INSL6: variants seen among roughly 807,000 people sequenced by gnomAD.
INSL6 encodes the protein insulin like 6.
Under a neutral mutation model 9.4 loss-of-function variants are expected in INSL6, and 16 were observed. The observed-to-expected ratio is 1.70, with a 90% CI of 1.15 to 2.59. The LOEUF (loss-of-function observed/expected upper bound fraction) is 2.59, where lower values mean the gene tolerates loss of function less well. Ranked by LOEUF, INSL6 falls within the 30% of genes most tolerant of loss-of-function variation. The probability of loss-of-function intolerance (pLI) is 0.00; values close to 1 mark genes in which losing one functional copy is unlikely to be tolerated. For missense variants in INSL6, 391 were observed against 257.3 expected, an observed-to-expected ratio of 1.52 and a Z score of -3.56; for synonymous variants, 154 against 96.9, an observed-to-expected ratio of 1.59 and a Z score of -3.46.
intron 1 of INSL6, among the ~76,000 whole-genome samples, chr9:5,169,193 T>C (rs1487418829): frequency 6.6e-6 from 1 of 152,228 alleles, no homozygotes; most frequent in Admixed American, 6.5e-5. Flanking sequence ...CCCAAAGTGC[T>C]GGGATTACAG....
chr9:5,080,057 C>T, the INSL6 span, among the ~76,000 whole-genome samples: 11 of 152,136 alleles, frequency 7.2e-5, no homozygotes, highest in Non-Finnish European at 1.3e-4. Flanking sequence ...TCTTGAAGGT[C>T]CCTTCTGGTT....
At chr9:5,052,010 T>C in the INSL6 span, among the ~76,000 whole-genome samples, 2 of 152,110 alleles carry the variant, frequency 1.3e-5, no homozygotes, top group Non-Finnish European at 2.9e-5. Context: ...ACTTATTGAA[T>C]ACTTGCTGTA....
chr9:5,160,875 C>G (rs769003711), downstream of INSL6, among the ~76,000 whole-genome samples: 1 of 152,004 alleles, frequency 6.6e-6, no homozygotes, highest in Non-Finnish European at 1.5e-5. Context: ...TACAACTTAC[C>G]AAGATTAAAA....
chr9:5,101,643 A>C, the INSL6 span, among the ~76,000 whole-genome samples: 15 of 152,230 alleles, frequency 9.9e-5, no homozygotes, highest in Non-Finnish European at 2.2e-4. Context: ...CTGACACCTC[A>C]TACAGGTGGG....
chr9:5,129,996 A>G (rs961703971), intron 3 of INSL6, among the ~76,000 whole-genome samples: 1 of 152,166 alleles, frequency 6.6e-6, no homozygotes, highest in African/African-American at 2.4e-5. Context: ...AGTTGGTGCA[A>G]GCTCTCAATA....
chr9:5,110,530 T>G, the INSL6 span: 1 of 156,714 alleles, frequency 6.4e-6, no homozygotes, highest in Non-Finnish European at 1.4e-5. Context: ...GAACAAGATA[T>G]TTGAAAAATA....
At chr9:5,041,086 A>T in the INSL6 span, 515 of 706,534 alleles carry the variant, frequency 7.3e-4, 8 homozygotes, top group South Asian at 7.5e-3. Flanking sequence ...TACCTACTAC[A>T]GCCTGGAGGA....
chr9:5,182,933 A>G (rs546783311), intron 1 of INSL6, among the ~76,000 whole-genome samples: 4 of 152,304 alleles, frequency 2.6e-5, no homozygotes, highest in African/African-American at 9.6e-5. Flanking sequence ...AGTAGCTTTG[A>G]AAAAAAGCAT....
At chr9:5,133,824 C>T (rs1309870890) in intron 2 of INSL6, among the ~76,000 whole-genome samples, 1 of 151,866 alleles carries the variant, frequency 6.6e-6, no homozygotes, top group Non-Finnish European at 1.5e-5. Context: ...AGCAAGGGAA[C>T]AAAACTGGAC....
chr9:5,104,505 T>C, the INSL6 span, among the ~76,000 whole-genome samples: 2 of 152,208 alleles, frequency 1.3e-5, no homozygotes, highest in African/African-American at 4.8e-5. Context: ...ATACCATTCC[T>C]TCTGAAACTA....
the INSL6 span, among the ~76,000 whole-genome samples, chr9:5,011,388 C>T: frequency 6.6e-6 from 1 of 152,022 alleles, no homozygotes; most frequent in African/African-American, 2.4e-5. Context: ...TGGGGTCTTG[C>T]TATGTTGCCA....
intron 1 of INSL6, among the ~76,000 whole-genome samples, chr9:5,170,849 T>TA (rs1328524906): frequency 1.3e-5 from 2 of 152,058 alleles, no homozygotes; most frequent in East Asian, 3.9e-4. Context: ...CAGTAATAAA[T>TA]AGTCTACCAA....
chr9:5,041,580 C>T, the INSL6 span: 4 of 504,824 alleles, frequency 7.9e-6, no homozygotes, highest in South Asian at 1.6e-5. Context: ...GCACTACGTG[C>T]GGCGCCTGGA....
intron 2 of INSL6, among the ~76,000 whole-genome samples, chr9:5,145,572 T>G (rs1342883256): frequency 6.6e-6 from 1 of 152,190 alleles, no homozygotes; most frequent in Non-Finnish European, 1.5e-5. Flanking sequence ...GTTCCACTCT[T>G]CCCAGCTCTT....
the INSL6 span, among the ~76,000 whole-genome samples, chr9:5,084,007 A>G: frequency 1.3e-5 from 2 of 152,090 alleles, no homozygotes; most frequent in African/African-American, 4.8e-5. Context: ...ATATACCATA[A>G]TTTATTTACA....
chr9:5,030,963 A>G, the INSL6 span, among the ~76,000 whole-genome samples: 6 of 152,196 alleles, frequency 3.9e-5, no homozygotes, highest in Non-Finnish European at 8.8e-5. Context: ...AACCAGTTAT[A>G]TAATAGATAA....
intron 3 of INSL6, among the ~76,000 whole-genome samples, chr9:5,124,798 T>C: frequency 6.6e-6 from 1 of 151,376 alleles, no homozygotes; most frequent in East Asian, 1.9e-4. Context: ...AACAAGAACA[T>C]ACATTCAAGT....
rs1001340090 is a variant in INSL6 at position 5,185,343 on chromosome 9, G to C, written c.260C>G (p.Ser87Cys). Residue 87 changes from serine (S) to cysteine (C), a missense_variant, in exon 1 of 2, where the codon TCC (serine) becomes TGC (cysteine). Transcript: ENST00000381641. ...PYQFESPQTA[S>C]PARGRGTNPV... The stretch of plus-strand genomic sequence containing the variant: ...GTTTGTGCCTCTTCCCCGGGCCGGG[G>C]AAGCGGTTTGCGGGCTTTCGAACTG... 1 of 1,614,034 alleles carries C rather than the reference G, an allele frequency of 6.2e-7. No individual in the cohort carries two copies. Among genetic ancestry groups the C allele is most frequent in the Non-Finnish European group, 8.5e-7 (1 of 1,180,028 alleles).
the INSL6 span, chr9:5,098,336 T>C: frequency 6.6e-6 from 1 of 152,228 alleles, no homozygotes; most frequent in African/African-American, 2.4e-5. Context: ...ATCCTATATG[T>C]CTTAATGGCT....
Sources: allele counts gnomAD v4.1 joint callset (sites outside exome capture counted in the v4.1 genomes callset), GRCh38; gene constraint gnomAD v4.1.1; transcripts MANE v1.5; gene names NCBI Gene and HGNC (gene_info 2026-07-23, HGNC 2026-07-21).